Variants in SNTG1 observed in about 807,000 individuals in gnomAD.
The protein encoded by SNTG1 is syntrophin gamma 1.
A neutral mutation model predicts 74.7 loss-of-function variants in SNTG1; 39 were observed. That is an observed-to-expected ratio of 0.52 (90% confidence interval 0.40 to 0.68). SNTG1 has a LOEUF of 0.68. Among genes scored for constraint, SNTG1 ranks in the 30% least tolerant of loss-of-function variants. The pLI is 0.00. For missense variants in SNTG1, 685 were observed against 609.5 expected (o/e 1.12, Z -1.30); for synonymous variants, 254 against 217.1 (o/e 1.17, Z -1.49).
At chr8:50,716,902 T>A (rs2095476456) in intron 17 of SNTG1, among the ~76,000 whole-genome samples, 1 of 151,972 alleles carries the variant, frequency 6.6e-6, no homozygotes, top group African/African-American at 2.4e-5. Flanking sequence ...CCGGCTAATT[T>A]TTTTTTTGCA....
At chr8:50,577,461 GTT>G (rs201845483) in intron 12 of SNTG1, among the ~76,000 whole-genome samples, 2 of 130,630 alleles carry the variant, frequency 1.5e-5, no homozygotes, top group Non-Finnish European at 3.3e-5. Context: ...TTTTTTTTTT[GTT>G]TTTTTTTTTC....
chr8:50,087,488 A>G (rs1246449927), intron 1 of SNTG1, among the ~76,000 whole-genome samples: 1 of 152,056 alleles, frequency 6.6e-6, no homozygotes, highest in Non-Finnish European at 1.5e-5. Flanking sequence ...AAAATGTTCC[A>G]CCTTTTCTTG....
intron 2 of SNTG1, among the ~76,000 whole-genome samples, chr8:50,390,470 A>G (rs2092641489): frequency 6.6e-6 from 1 of 152,180 alleles, no homozygotes; most frequent in African/African-American, 2.4e-5. Flanking sequence ...TAGTTACTGT[A>G]ACTTTGTAGT....
intron 1 of SNTG1, among the ~76,000 whole-genome samples, chr8:50,141,063 A>G (rs1027299232): frequency 6.6e-6 from 1 of 152,226 alleles, no homozygotes; most frequent in Non-Finnish European, 1.5e-5. Context: ...GTAAGAATGC[A>G]TGAAAATGTG....
At position 50,796,613 on chromosome 8, in the gene SNTG1, T is replaced by C. The variant is rs1291748630; in HGVS notation, c.*3784T>C. 6.6e-6 allele frequency: 1 copy of C among 152,026 alleles called. No individual in the cohort carries two copies. Among genetic ancestry groups the C allele is most frequent in the Non-Finnish European group, 1.5e-5 (1 of 67,922 alleles). The allele number at this position is 152,026 out of a possible 1,614,324, so 9.4% of individuals were successfully genotyped here. ...AAAATTTGTCACTTCATTCTTTCAG[T>C]TCATTAATGTACTACTAATGAAACC... On this transcript the variant is annotated 3_prime_UTR_variant, in exon 19 of 19. Transcript: ENST00000642720.
At chr8:50,178,574 T>A (rs1359608439) in intron 2 of SNTG1, among the ~76,000 whole-genome samples, 1 of 152,206 alleles carries the variant, frequency 6.6e-6, no homozygotes, top group Non-Finnish European at 1.5e-5. Context: ...CAGGTCCCAG[T>A]ATTAGTCAAT....
intron 1 of SNTG1, among the ~76,000 whole-genome samples, chr8:49,917,375 T>G (rs1007478835): frequency 9.9e-5 from 15 of 152,216 alleles, no homozygotes; most frequent in African/African-American, 3.4e-4. Flanking sequence ...GCTCTCATGG[T>G]GGAACATACA....
intron 9 of SNTG1, among the ~76,000 whole-genome samples, chr8:50,522,301 G>C (rs540287364): frequency 6.6e-6 from 1 of 152,184 alleles, no homozygotes; most frequent in African/African-American, 2.4e-5. Context: ...GTTTTGATGT[G>C]TGTTTCAGGG....
At chr8:49,940,350 G>A (rs1292658525) in intron 1 of SNTG1, among the ~76,000 whole-genome samples, 1 of 152,166 alleles carries the variant, frequency 6.6e-6, no homozygotes, top group Non-Finnish European at 1.5e-5. Context: ...GTGGGTGGTG[G>A]TTGGTTAGCT....
chr8:49,958,978 G>T (rs1810437507), intron 1 of SNTG1, among the ~76,000 whole-genome samples: 1 of 152,128 alleles, frequency 6.6e-6, no homozygotes, highest in Admixed American at 6.5e-5. Flanking sequence ...AAAATTACAT[G>T]CTTTTTGATC....
At chr8:49,944,714 A>T (rs1319124454) in intron 1 of SNTG1, among the ~76,000 whole-genome samples, 3 of 151,900 alleles carry the variant, frequency 2.0e-5, no homozygotes, top group African/African-American at 7.3e-5. Context: ...TGTACCCTAA[A>T]ACAAAGTATA....
chr8:50,011,973 GA>G, intron 1 of SNTG1: 1 of 152,152 alleles, frequency 6.6e-6, no homozygotes, highest in East Asian at 1.9e-4. Flanking sequence ...TTTATATTTG[GA>G]AACATCCCAT....
In SNTG1 at chr8:50,703,435, G is replaced by A. The variant is rs973141090; in HGVS notation, c.1039-1165G>A. ...TTGTCCCACTGGAAGGTCTTCAGGG[G>A]CAATAACACGCATGGAGCTGTCATC... On this transcript the variant is annotated intron_variant, in intron 15 of 18. Transcript: ENST00000642720. 3.9e-5 allele frequency among the ~76,000 whole-genome samples: 6 copies of A among 151,940 alleles called. No homozygotes were observed. In the South Asian group the frequency reaches 1.2e-3, roughly 31 times the overall value.
chr8:50,228,386 C>G (rs535651885), intron 2 of SNTG1, among the ~76,000 whole-genome samples: 3 of 151,804 alleles, frequency 2.0e-5, no homozygotes, highest in Non-Finnish European at 1.5e-5. Context: ...TAGCTAAGAA[C>G]TTTCCCAAAT....
chr8:50,429,381 G>T (rs370219796), intron 4 of SNTG1, among the ~76,000 whole-genome samples: 2 of 152,030 alleles, frequency 1.3e-5, no homozygotes, highest in Non-Finnish European at 2.9e-5. Context: ...AACCAATGAA[G>T]AAAGAACTGT....
intron 18 of SNTG1, among the ~76,000 whole-genome samples, chr8:50,787,528 A>G (rs2095679079): frequency 6.6e-6 from 1 of 151,930 alleles, no homozygotes; most frequent in Admixed American, 6.6e-5. Flanking sequence ...ATATTCCCAA[A>G]CACACAAAAA....
At chr8:50,106,825 T>C (rs2080390814) in intron 1 of SNTG1, among the ~76,000 whole-genome samples, 1 of 152,170 alleles carries the variant, frequency 6.6e-6, no homozygotes, top group Non-Finnish European at 1.5e-5. Context: ...TATTCACAGA[T>C]TGTATAGACT....
chr8:50,038,419 C>T (rs1205120014), intron 1 of SNTG1, among the ~76,000 whole-genome samples: 1 of 152,112 alleles, frequency 6.6e-6, no homozygotes. Flanking sequence ...AGTGTCGTCA[C>T]AAGCAACTCT....
At chr8:50,375,136 T>G (rs1206218778) in intron 2 of SNTG1, among the ~76,000 whole-genome samples, 1 of 152,184 alleles carries the variant, frequency 6.6e-6, no homozygotes, top group Non-Finnish European at 1.5e-5. Context: ...CAGGGCAAAA[T>G]AGTGTGTTTT....
Sources: gnomAD v4.1 joint callset for allele counts (sites outside exome capture counted in the v4.1 genomes callset) on GRCh38, gnomAD v4.1.1 for gene constraint, MANE v1.5 for transcripts, NCBI Gene and HGNC (gene_info 2026-07-23, HGNC 2026-07-21) for gene names.